The following PARG variants were observed in gnomAD, a reference collection of about 807,000 sequenced individuals.
PARG encodes mitochondrial poly(ADP-ribose) glycohydrolase.
PARG carries 35 observed loss-of-function variants against 113.0 expected under a neutral mutation model. The ratio of observed to expected loss-of-function variants is 0.31; its 90% CI spans 0.24 to 0.41. PARG has a LOEUF of 0.41. Ranked by LOEUF, PARG falls within the 10% of genes least tolerant of loss-of-function variation. The pLI is 1.00. For synonymous variants in PARG, 330 were observed against 409.9 expected (o/e 0.81, Z 2.36); for missense variants, 797 against 1,169.4 (o/e 0.68, Z 4.64).
In PARG at chr10:49,922,531, T is replaced by C; in HGVS notation, c.1578+16A>G. ...CCATTTTTCAGAGACTAAAAGAATCTCGGTTTTGTTCTTACCTCATCTTCC... is the reference window on the plus strand; with the variant it reads ...CCATTTTTCAGAGACTAAAAGAATCCCGGTTTTGTTCTTACCTCATCTTCC... On this transcript the variant is annotated intron_variant, in intron 5 of 17. Transcript: ENST00000616448. 1 of 1,610,570 alleles carries C rather than the reference T, an allele frequency of 6.2e-7. No homozygotes were observed. Among genetic ancestry groups the C allele is most frequent in the South Asian group, 1.1e-5 (1 of 90,580 alleles).
intron 7 of PARG, chr10:49,908,586 G>A (rs1202842750): frequency 8.5e-5 from 13 of 152,150 alleles, no homozygotes; most frequent in African/African-American, 2.7e-4. Flanking sequence ...AAACATTTAA[G>A]GCTGCTTTCA....
At chr10:49,891,612 TATATATATA>T (rs1432158793) in intron 7 of PARG, among the ~76,000 whole-genome samples, 14 of 54,294 alleles carry the variant, frequency 2.6e-4, no homozygotes, top group African/African-American at 3.4e-4. Context: ...TATATATATA[TATATATATA>T]TATTTTTTTT....
At chr10:49,868,942 A>C (rs1398682297) in intron 10 of PARG, among the ~76,000 whole-genome samples, 7 of 152,100 alleles carry the variant, frequency 4.6e-5, no homozygotes, top group African/African-American at 1.7e-4. Flanking sequence ...TATTTGTTGG[A>C]CATTTACTAT....
chr10:49,920,458 A>AT (rs1554848851), intron 6 of PARG, among the ~76,000 whole-genome samples: 7 of 52,798 alleles, frequency 1.3e-4, no homozygotes, highest in East Asian at 8.5e-4. Context: ...AATTAAAAAA[A>AT]AAAAAATATA....
Position 49,938,548 on chromosome 10 carries a change from C to T in PARG, c.217+2961G>A, listed in dbSNP as rs1240647295. ...ATAGCAACACATCTGGATAAACCTG[C>T]GTCATCACAATGTGAATAACATGCT... is the stretch of plus-strand genomic sequence containing the variant. On this transcript the variant is annotated intron_variant, in intron 1 of 17. Coordinates refer to ENST00000616448, the MANE Select transcript of PARG (RefSeq NM_003631.5). 1.8e-4 allele frequency among the ~76,000 whole-genome samples: 28 copies of T among 152,226 alleles called. No homozygotes were observed. In the South Asian group the frequency reaches 4.6e-3, roughly 25 times the overall value.
At chr10:49,939,136 A>T (rs1178901712) in intron 1 of PARG, among the ~76,000 whole-genome samples, 1 of 152,206 alleles carries the variant, frequency 6.6e-6, no homozygotes, top group Non-Finnish European at 1.5e-5. Flanking sequence ...TTATCCAGTC[A>T]CAGAAGCTGA....
intron 7 of PARG, among the ~76,000 whole-genome samples, chr10:49,907,976 C>G (rs1836948163): frequency 6.6e-6 from 1 of 152,144 alleles, no homozygotes; most frequent in African/African-American, 2.4e-5. Context: ...TAAGTACTAG[C>G]TTAATTTCAT....
chr10:49,907,279 C>T (rs1836906196), intron 7 of PARG, among the ~76,000 whole-genome samples: 1 of 151,926 alleles, frequency 6.6e-6, no homozygotes, highest in Non-Finnish European at 1.5e-5. Flanking sequence ...ATTATTTAGC[C>T]AGCTTAGAAT....
chr10:49,910,881 C>G (rs1837140486), intron 7 of PARG, among the ~76,000 whole-genome samples: 1 of 150,474 alleles, frequency 6.6e-6, no homozygotes, highest in Admixed American at 6.6e-5. Flanking sequence ...CAGAAGAAAC[C>G]CCCTTAAAAA....
intron 4 of PARG, among the ~76,000 whole-genome samples, chr10:49,928,065 G>GT (rs1300103396): frequency 6.6e-6 from 1 of 151,994 alleles, no homozygotes; most frequent in Non-Finnish European, 1.5e-5. Flanking sequence ...GAGGTCAGGA[G>GT]TTTAAGAGTA....
intron 4 of PARG, among the ~76,000 whole-genome samples, chr10:49,928,445 T>C (rs1466542060): frequency 2.0e-5 from 3 of 152,198 alleles, no homozygotes; most frequent in Admixed American, 6.5e-5. Context: ...ATGCTTTGTG[T>C]GTGGCTCTGT....
At chr10:49,919,169 G>T (rs1588989460) in intron 6 of PARG, among the ~76,000 whole-genome samples, 1 of 152,158 alleles carries the variant, frequency 6.6e-6, no homozygotes, top group Admixed American at 6.5e-5. Context: ...TCAAACTCCT[G>T]ACCTCTGGCG....
In PARG at chr10:49,885,283, C is replaced by T. The variant is rs2573509; in HGVS notation, c.1750G>A (p.Ala584Thr). The change falls in exon 8 of 18, where the codon GCA becomes ACA. Residue 584 changes from alanine to threonine, a missense_variant. By Grantham distance (58) the Ala-to-Thr change is moderately conservative. Coordinates refer to ENST00000616448, the MANE Select transcript of PARG (RefSeq NM_003631.5). ...GACTGATATAAATGTTGAGCTTCTG[C>T]TTCTTCAAGTACCTGAAAACCAATA... ...IDFWDKVLEEAEAQHLYQSIL... is the reference protein window; with the variant it reads ...IDFWDKVLEETEAQHLYQSIL... 5 of 1,606,128 alleles carry T rather than the reference C, an allele frequency of 3.1e-6. No homozygotes were observed. Among genetic ancestry groups the T allele is most frequent in the East Asian group, 4.5e-5 (2 of 44,842 alleles).
Position 49,826,982 on chromosome 10 carries a change from C to G in PARG, c.2647+5821G>C, listed in dbSNP as rs756722934. Among the ~76,000 whole-genome samples, 67 of 152,234 alleles carry G rather than the reference C, an allele frequency of 4.4e-4. 1 individual carries two copies. Among genetic ancestry groups the G allele is most frequent in the Non-Finnish European group, 8.4e-4 (57 of 68,040 alleles). On this transcript the variant is annotated intron_variant, in intron 16 of 17. Transcript: ENST00000616448. ...AGGGAGAGCCTGATTCTAGGATCAA[C>G]TCATACCTGAGGCCAACTCTACCCT... is the stretch of plus-strand genomic sequence containing the variant.
intron 7 of PARG, among the ~76,000 whole-genome samples, chr10:49,903,427 C>A (rs1164785605): frequency 1.3e-5 from 2 of 151,924 alleles, no homozygotes; most frequent in Admixed American, 6.6e-5. Context: ...TGGTTCAAGG[C>A]CCACATTTTT....
chr10:49,933,890 G>C lies in PARG; in HGVS notation c.558C>G (p.Asn186Lys). ...TLVPEQFSNA[N>K]IDRSPQNDDH... ...CATCATTTTGAGGTGACCGATCAAT[G>C]TTAGCATTACTAAACTGCTCTGGTA... Residue 186 changes from asparagine (N) to lysine (K), a missense_variant, in exon 3 of 18, where the codon AAC (asparagine) becomes AAG (lysine). Around this residue, in one of 5 missense-constraint regions of PARG, gnomAD observed 284 missense variants for 306.1 expected, o/e 0.93. Transcript: ENST00000616448. 6.3e-7 allele frequency: 1 copy of C among 1,598,594 alleles called. No homozygotes were observed. Among genetic ancestry groups the C allele is most frequent in the Non-Finnish European group, 8.6e-7 (1 of 1,165,936 alleles).
intron 7 of PARG, among the ~76,000 whole-genome samples, chr10:49,896,996 T>C (rs1392957727): frequency 5.9e-5 from 9 of 152,246 alleles, no homozygotes; most frequent in South Asian, 2.1e-4. Flanking sequence ...TATGTTAAAA[T>C]AGTCTCCCCT....
chr10:49,908,799 A>T (rs369432517), intron 7 of PARG, among the ~76,000 whole-genome samples: 647 of 152,104 alleles, frequency 4.3e-3, no homozygotes, highest in East Asian at 0.016. Flanking sequence ...AAAAATGACC[A>T]CCAAAAGGCT....
intron 8 of PARG, among the ~76,000 whole-genome samples, chr10:49,882,108 C>T (rs1847244624): frequency 6.6e-6 from 1 of 151,910 alleles, no homozygotes; most frequent in Non-Finnish European, 1.5e-5. Flanking sequence ...CCCAAATAAA[C>T]AAATAGTATA....
Sources: gnomAD v4.1 joint callset for allele counts (sites outside exome capture counted in the v4.1 genomes callset) on GRCh38, gnomAD v4.1.1 for gene constraint, gnomAD v4.1.1 regional missense constraint, MANE v1.5 for transcripts, NCBI Gene and HGNC (gene_info 2026-07-23, HGNC 2026-07-21) for gene names.